The following GRIA3 variants were observed in gnomAD, a reference collection of about 807,000 sequenced individuals.
GRIA3 encodes glutamate ionotropic receptor AMPA type subunit 3.
A neutral mutation model predicts 63.0 loss-of-function variants in GRIA3; 3 were observed. The ratio of observed to expected loss-of-function variants is 0.05; its 90% CI spans 0.02 to 0.12. The LOEUF is 0.12. Among genes scored for constraint, GRIA3 ranks in the 10% least tolerant of loss-of-function variants. The pLI, the probability that GRIA3 is intolerant of heterozygous loss-of-function variation, is 1.00. For synonymous variants in GRIA3, 274 were observed against 257.9 expected (o/e 1.06, Z -0.60); for missense variants, 347 against 700.9 (o/e 0.50, Z 5.70).
intron 11 of GRIA3, among the ~76,000 whole-genome samples, chrX:123,419,581 G>C (rs1042227991): frequency 7.2e-5 from 8 of 111,239 alleles, no homozygotes; most frequent in Non-Finnish European, 1.1e-4. Context: ...GGGCTTGCAG[G>C]GAGCAGAGAG....
At chrX:123,197,751 G>A (rs982332696) in intron 2 of GRIA3, among the ~76,000 whole-genome samples, 18 of 112,294 alleles carry the variant, frequency 1.6e-4, no homozygotes, top group Non-Finnish European at 3.2e-4. Flanking sequence ...GTTTCAGCCA[G>A]TTGTGGCTTA....
At chrX:123,414,871 G>A (rs769681129) in intron 10 of GRIA3, among the ~76,000 whole-genome samples, 49 of 111,189 alleles carry the variant, frequency 4.4e-4, no homozygotes, top group South Asian at 1.1e-3. Flanking sequence ...GAATAGTGCC[G>A]CAATAAACAT....
chrX:123,321,797 C>A (rs1469887144), intron 3 of GRIA3, among the ~76,000 whole-genome samples: 29 of 111,885 alleles, frequency 2.6e-4, no homozygotes, highest in Non-Finnish European at 2.1e-4. Context: ...TTGGCTGGTA[C>A]TCTCATTGTC....
rs189575402 is a variant in GRIA3, at chrX:123,212,478, T to C, written c.268+26488T>C. Among the ~76,000 whole-genome samples, 68 of 111,689 alleles carry C rather than the reference T, an allele frequency of 6.1e-4. 1 individual carries two copies. Among genetic ancestry groups the C allele is most frequent in the African/African-American group, 1.9e-3 (58 of 30,770 alleles). On this transcript the variant is annotated intron_variant, in intron 2 of 15. Coordinates refer to ENST00000620443, the MANE Select transcript of GRIA3 (RefSeq NM_007325.5). The stretch of plus-strand genomic sequence containing the variant: ...TAAGATATTACCCTGAGAGGTCAAA[T>C]TTACTATATGGCATTGTCACAACTT...
At chrX:123,225,329 T>C (rs1368728357) in intron 2 of GRIA3, among the ~76,000 whole-genome samples, 5 of 112,363 alleles carry the variant, frequency 4.4e-5, no homozygotes, top group Non-Finnish European at 9.4e-5. Context: ...CATATGGTCT[T>C]GCACGGAGCG....
In GRIA3 at chrX:123,326,108, G is replaced by T. The variant is rs2044901166; in HGVS notation, c.591G>T (p.Lys197Asn). The T allele has an allele frequency of 8.3e-7, 1 of 1,206,768 alleles. No homozygotes were observed. Among genetic ancestry groups the T allele is most frequent in the East Asian group, 3.0e-5 (1 of 33,808 alleles). Residue 197 changes from lysine to asparagine, a missense_variant, in exon 4 of 16, where the codon AAG becomes AAT. Lys to Asn is a moderately conservative substitution (Grantham distance 94). Transcript: ENST00000620443. Reference protein sequence around the residue: ...QVTARSVGNIKDVQEFRRIIE... With the variant: ...QVTARSVGNINDVQEFRRIIE... ...CAGCAAGGTCTGTGGGAAACATAAA[G>T]GACGTCCAAGAATTCAGGCGCATCA...
chrX:123,231,972 A>G (rs2044278467), intron 2 of GRIA3, among the ~76,000 whole-genome samples: 1 of 111,956 alleles, frequency 8.9e-6, no homozygotes, highest in African/African-American at 3.2e-5. Flanking sequence ...AATGCCATAC[A>G]CCAAGGCAGA....
At chrX:123,320,651 G>A (rs1488223646) in intron 3 of GRIA3, among the ~76,000 whole-genome samples, 1 of 111,925 alleles carries the variant, frequency 8.9e-6, no homozygotes, top group Non-Finnish European at 1.9e-5. Flanking sequence ...GTTGCTAAGC[G>A]TCATCTTAAA....
At chrX:123,342,545 G>A (rs2045015758) in intron 4 of GRIA3, among the ~76,000 whole-genome samples, 1 of 111,802 alleles carries the variant, frequency 8.9e-6, no homozygotes, top group African/African-American at 3.3e-5. Context: ...AGAGCTTCAG[G>A]GACTGAGTCC....
intron 3 of GRIA3, among the ~76,000 whole-genome samples, chrX:123,279,102 T>A (rs2044571085): frequency 9.0e-6 from 1 of 111,494 alleles, no homozygotes; most frequent in Admixed American, 9.6e-5. Flanking sequence ...TTAAGTGAAA[T>A]AAGCCATGCA....
intron 5 of GRIA3, among the ~76,000 whole-genome samples, chrX:123,378,877 C>T (rs1181854047): frequency 9.0e-6 from 1 of 110,902 alleles, no homozygotes; most frequent in East Asian, 2.8e-4. Flanking sequence ...TCTATAACTG[C>T]CTGTCACCTT....
At chrX:123,428,206 C>A in intron 12 of GRIA3, 67 bp downstream of exon 12, 1 of 740,250 alleles carries the variant, frequency 1.4e-6, no homozygotes, top group South Asian at 2.1e-5. Context: ...AAGGCAAGTT[C>A]ACAGTGCTTT....
chrX:123,340,607 T>G (rs2045002557), intron 4 of GRIA3, among the ~76,000 whole-genome samples: 1 of 112,503 alleles, frequency 8.9e-6, no homozygotes, highest in African/African-American at 3.2e-5. Context: ...TCATACCCCT[T>G]GCATCTAAAA....
intron 2 of GRIA3, among the ~76,000 whole-genome samples, chrX:123,236,339 T>C (rs1012053204): frequency 1.8e-5 from 2 of 111,567 alleles, no homozygotes; most frequent in East Asian, 2.8e-4. Context: ...CAGCATTGCT[T>C]TGTGGAGCCT....
At chrX:123,308,782 C>G (rs779573489) in intron 3 of GRIA3, among the ~76,000 whole-genome samples, 1 of 112,134 alleles carries the variant, frequency 8.9e-6, no homozygotes, top group Admixed American at 9.5e-5. Flanking sequence ...GCTGCCGCCA[C>G]ATCACTCATG....
chrX:123,360,855 T>TCACA (rs10548566), intron 5 of GRIA3, among the ~76,000 whole-genome samples: 2 of 46,516 alleles, frequency 4.3e-5, no homozygotes, highest in African/African-American at 8.1e-5. Context: ...TCTCTCTCTC[T>TCACA]CACACACACA....
At chrX:123,287,821 G>A (rs2044630294) in intron 3 of GRIA3, among the ~76,000 whole-genome samples, 1 of 111,593 alleles carries the variant, frequency 9.0e-6, no homozygotes, top group Admixed American at 9.5e-5. Context: ...AATCAATATC[G>A]TGAAAATGGC....
chrX:123,279,043 C>G (rs2044570688), intron 3 of GRIA3, among the ~76,000 whole-genome samples: 1 of 111,676 alleles, frequency 9.0e-6, no homozygotes, highest in Non-Finnish European at 1.9e-5. Context: ...TATTAATTCT[C>G]CCAATCCATG....
chrX:123,276,183 T>G (rs769226374), intron 3 of GRIA3, among the ~76,000 whole-genome samples: 24 of 111,640 alleles, frequency 2.1e-4, no homozygotes, highest in South Asian at 1.5e-3. Flanking sequence ...TTCTCCTCCA[T>G]ATTCTTGCTA....
Sources: allele counts gnomAD v4.1 joint callset (sites outside exome capture counted in the v4.1 genomes callset), GRCh38; gene constraint gnomAD v4.1.1; transcripts MANE v1.5; gene names NCBI Gene and HGNC (gene_info 2026-07-23, HGNC 2026-07-21).